The following CNTN4 variants were observed in gnomAD, a reference collection of about 807,000 sequenced individuals.
CNTN4 encodes the protein contactin 4.
Under a neutral mutation model 122.5 loss-of-function variants are expected in CNTN4, and 77 were observed. That is an observed-to-expected ratio of 0.63 (90% CI 0.52 to 0.76). The LOEUF (loss-of-function observed/expected upper bound fraction) is 0.76, where lower values mean the gene tolerates loss of function less well. Among genes scored for constraint, CNTN4 ranks in the 30% least tolerant of loss-of-function variants. The pLI is 0.00. For synonymous variants in CNTN4, 512 were observed against 447.0 expected (o/e 1.15, Z -1.83); for missense variants, 1,256 against 1,259.1 (o/e 1.00, Z 0.04).
chr3:2,351,459 A>G (rs2044619754), intron 3 of CNTN4, among the ~76,000 whole-genome samples: 1 of 152,166 alleles, frequency 6.6e-6, no homozygotes, highest in Admixed American at 6.5e-5. Flanking sequence ...CCTTACTCGC[A>G]TTAAAGAAGT....
chr3:2,146,907 G>A (rs986514428), intron 2 of CNTN4, among the ~76,000 whole-genome samples: 1 of 151,964 alleles, frequency 6.6e-6, no homozygotes, highest in African/African-American at 2.4e-5. Context: ...TTTTGAGACG[G>A]AGGCTCACTC....
rs527466259 is a variant in CNTN4, at chr3:2,840,678, G to C, written c.454+21097G>C. On this transcript the variant is annotated intron_variant, in intron 7 of 24. Coordinates refer to ENST00000418658, the MANE Select transcript of CNTN4 (RefSeq NM_175607.3). ...CACACCACTGCACTCCAGCCTGGGC[G>C]ACAGAGCGACACTCCGTCTCCAAAA... Among the ~76,000 whole-genome samples, 62 of 149,436 alleles carry C rather than the reference G, an allele frequency of 4.1e-4. No homozygotes were observed. In the East Asian group the frequency reaches 0.011, roughly 28 times the overall value.
chr3:2,906,760 C>G (rs899959359), intron 12 of CNTN4, among the ~76,000 whole-genome samples: 7 of 150,918 alleles, frequency 4.6e-5, no homozygotes, highest in African/African-American at 1.7e-4. Context: ...AGGAGAATCA[C>G]TTAGACCCGG....
intron 4 of CNTN4, among the ~76,000 whole-genome samples, chr3:2,703,348 T>A (rs2086464912): frequency 6.6e-6 from 1 of 152,184 alleles, no homozygotes; most frequent in Non-Finnish European, 1.5e-5. Context: ...ATAGCTTACA[T>A]GAAATGGAAA....
chr3:2,448,379 G>A (rs1008305593), intron 3 of CNTN4, among the ~76,000 whole-genome samples: 22 of 152,170 alleles, frequency 1.4e-4, no homozygotes, highest in African/African-American at 5.3e-4. Context: ...AGATGGAATG[G>A]AAGATCTATC....
At chr3:2,537,876 C>T (rs1291833536) in intron 3 of CNTN4, among the ~76,000 whole-genome samples, 2 of 152,060 alleles carry the variant, frequency 1.3e-5, no homozygotes, top group South Asian at 4.1e-4. Context: ...AACCCTCCTT[C>T]TGGAAGTGGA....
At chr3:2,107,239 T>G (rs897500464) in intron 2 of CNTN4, among the ~76,000 whole-genome samples, 3 of 152,176 alleles carry the variant, frequency 2.0e-5, no homozygotes, top group African/African-American at 7.2e-5. Context: ...AGTACCCCAC[T>G]CTCTGCAGTA....
chr3:2,942,822 C>T (rs1273888505), intron 13 of CNTN4, among the ~76,000 whole-genome samples: 5 of 152,122 alleles, frequency 3.3e-5, no homozygotes, highest in South Asian at 2.1e-4. Flanking sequence ...CTTCAGGAAG[C>T]GTGGTTCCCA....
chr3:2,743,105 A>G lies in CNTN4; in HGVS notation c.183-2417A>G, dbSNP rs904815089. Among the ~76,000 whole-genome samples the G allele has an allele frequency of 2.6e-5, 4 of 152,054 alleles. No individual in the cohort carries two copies. The East Asian group carries it at 7.7e-4, about 29-fold the overall frequency. ...AGGAGCTCTCATTATGCCCACAACC[A>G]CTTTTCTAAAAAGACTCACATGGCC... On this transcript the variant is annotated intron_variant, in intron 5 of 24. Coordinates refer to ENST00000418658, the MANE Select transcript of CNTN4 (RefSeq NM_175607.3).
chr3:2,726,183 C>G (rs1298293140), intron 4 of CNTN4, among the ~76,000 whole-genome samples: 1 of 152,100 alleles, frequency 6.6e-6, no homozygotes, highest in African/African-American at 2.4e-5. Context: ...AGGCTTCCTT[C>G]TGTAAGCAAT....
At chr3:3,049,365 G>A (rs1459901329) in intron 23 of CNTN4, among the ~76,000 whole-genome samples, 3 of 152,222 alleles carry the variant, frequency 2.0e-5, no homozygotes, top group Admixed American at 6.5e-5. Flanking sequence ...TTACAGGCAT[G>A]AGCCACCATG....
intron 4 of CNTN4, among the ~76,000 whole-genome samples, chr3:2,654,183 T>A (rs2083480131): frequency 6.6e-6 from 1 of 152,222 alleles, no homozygotes; most frequent in African/African-American, 2.4e-5. Flanking sequence ...GGAATTCAAG[T>A]GGGGTCTGGA....
intron 2 of CNTN4, among the ~76,000 whole-genome samples, chr3:2,299,442 A>G (rs2042426293): frequency 6.6e-6 from 1 of 152,098 alleles, no homozygotes; most frequent in Admixed American, 6.6e-5. Context: ...GTTGTACCTA[A>G]TATGTAATTT....
At chr3:2,581,495 G>A (rs1167812559) in intron 4 of CNTN4, among the ~76,000 whole-genome samples, 1 of 152,062 alleles carries the variant, frequency 6.6e-6, no homozygotes, top group Non-Finnish European at 1.5e-5. Context: ...AAACAAAGCT[G>A]GACTCTAGAT....
chr3:2,985,401 A>T (rs562694177), intron 13 of CNTN4: 101 of 152,254 alleles, frequency 6.6e-4, no homozygotes, highest in African/African-American at 2.3e-3. Flanking sequence ...TCATTTTGTC[A>T]CTTTGGGTTC....
intron 6 of CNTN4, among the ~76,000 whole-genome samples, chr3:2,779,131 T>C (rs1214990141): frequency 1.3e-5 from 2 of 152,194 alleles, no homozygotes; most frequent in Admixed American, 1.3e-4. Context: ...ATGATTTTTA[T>C]CTGGTGGGGG....
intron 3 of CNTN4, among the ~76,000 whole-genome samples, chr3:2,418,394 A>G (rs1379503392): frequency 6.6e-6 from 1 of 152,198 alleles, no homozygotes; most frequent in Non-Finnish European, 1.5e-5. Context: ...GTATTTACAA[A>G]TGCTAACTAA....
chr3:2,648,957 A>AT (rs1270844826), intron 4 of CNTN4, among the ~76,000 whole-genome samples: 18 of 152,224 alleles, frequency 1.2e-4, no homozygotes, highest in Non-Finnish European at 2.4e-4. Flanking sequence ...TGGATAGAAG[A>AT]TCACACCAGC....
chr3:2,591,352 CTTTTTTTTTTTTT>C (rs71058629), intron 4 of CNTN4, among the ~76,000 whole-genome samples: 1 of 36,394 alleles, frequency 2.7e-5, no homozygotes, highest in Non-Finnish European at 5.3e-5. Context: ...AGATTTGTGA[CTTTTTTTTTTTTT>C]TTTTTTTTTT....
Sources: allele counts gnomAD v4.1 joint callset (sites outside exome capture counted in the v4.1 genomes callset), GRCh38; gene constraint gnomAD v4.1.1; transcripts MANE v1.5; gene names NCBI Gene and HGNC (gene_info 2026-07-23, HGNC 2026-07-21).